EXOC7: variants seen among roughly 807,000 people sequenced by gnomAD.
EXOC7 encodes exocyst complex component 7, also known as exocyst complex component Exo70.
Under a neutral mutation model 87.6 loss-of-function variants are expected in EXOC7, and 51 were observed. The observed-to-expected ratio is 0.58, with a 90% CI of 0.46 to 0.73. EXOC7 has a LOEUF of 0.73. Ranked by LOEUF, EXOC7 falls within the 30% of genes least tolerant of loss-of-function variation. EXOC7 has a pLI of 0.00. For missense variants in EXOC7, 744 were observed against 888.4 expected, an observed-to-expected ratio of 0.84 and a Z score of 2.07; for synonymous variants, 327 against 357.1, an observed-to-expected ratio of 0.92 and a Z score of 0.95.
rs1436323690 is a variant in EXOC7, at chr17:76,081,538, C to T, written c.*2110G>A. ...CGCCGGGAAGGCCCTGACTTTTCCC[C>T]TTCCAGCTGAGGCTGAAGAACACGG... On this transcript the variant is annotated 3_prime_UTR_variant, in exon 19 of 19. Coordinates refer to ENST00000589210, the MANE Select transcript of EXOC7 (RefSeq NM_001013839.4). 2.5e-6 allele frequency: 4 copies of T among 1,613,126 alleles called. No homozygotes were observed. The Admixed American group carries it at 6.7e-5, about 27-fold the overall frequency.
chr17:76,100,341 A>G (rs2067996261), intron 4 of EXOC7, among the ~76,000 whole-genome samples: 1 of 151,964 alleles, frequency 6.6e-6, no homozygotes, highest in Admixed American at 6.6e-5. Context: ...AAAATAGCAC[A>G]TTTTGGCCAG....
Position 76,097,804 on chromosome 17 carries a change from C to A in EXOC7, c.632G>T (p.Arg211Leu). ...AAGCCAGAATCCCTTACCTTGGTTG[C>A]GGCCATATTCCACCAGCCAGCGGGA... ...RISRWLVEYG[R>L]NQDFMNVYYQ... Residue 211 changes from arginine to leucine, a missense_variant, in exon 5 of 19, where the codon CGC (arginine) becomes CTC (leucine). Physicochemically the swap from Arg to Leu is moderately radical, Grantham distance 102. Coordinates refer to ENST00000589210, the MANE Select transcript of EXOC7 (RefSeq NM_001013839.4). 2 of 1,608,028 alleles carry A rather than the reference C, an allele frequency of 1.2e-6. No homozygotes were observed. Among genetic ancestry groups the A allele is most frequent in the South Asian group, 1.1e-5 (1 of 90,936 alleles).
chr17:76,082,956 C>A lies in EXOC7; in HGVS notation c.*692G>T. On this transcript the variant is annotated 3_prime_UTR_variant, in exon 19 of 19. Coordinates refer to ENST00000589210, the MANE Select transcript of EXOC7 (RefSeq NM_001013839.4). ...AGCCTAATTGCTCCTTCTGCAACCA[C>A]GACTGCCTGGCCCTGGGCCAAGAGG... The A allele has an allele frequency of 3.9e-6, 1 of 255,066 alleles. No homozygotes were observed. The allele number at this position is 255,066 out of a possible 1,614,324, so 15.8% of individuals were successfully genotyped here. A position where few individuals can be genotyped will look rare whatever the true frequency, so the allele number is the denominator to read the frequency against.
intron 7 of EXOC7, 135 bp downstream of exon 7, chr17:76,091,008 A>G: frequency 2.7e-6 from 2 of 750,230 alleles, no homozygotes; most frequent in East Asian, 4.9e-5. Flanking sequence ...CCCGAGTGGC[A>G]TCGGGGACCT....
Position 76,081,999 on chromosome 17 carries a change from C to G in EXOC7, c.*1649G>C, listed in dbSNP as rs749838124. The G allele has an allele frequency of 2.5e-6, 4 of 1,611,730 alleles. No homozygotes were observed. In the African/African-American group the frequency reaches 4.0e-5, roughly 16 times the overall value. ...GCCAAGAGCGGCCCCAGCCCAGCCCCGAGAGGGGAACAGCGAGAGCACGGC... is the reference window on the plus strand; with the variant it reads ...GCCAAGAGCGGCCCCAGCCCAGCCCGGAGAGGGGAACAGCGAGAGCACGGC... On this transcript the variant is annotated 3_prime_UTR_variant, in exon 19 of 19. Coordinates refer to ENST00000589210, the MANE Select transcript of EXOC7 (RefSeq NM_001013839.4).
At position 76,081,237 on chromosome 17, in the gene EXOC7, T is replaced by C; in HGVS notation, c.*2411A>G. 6.2e-7 allele frequency: 1 copy of C among 1,609,696 alleles called. No homozygotes were observed. The highest frequency in any genetic ancestry group is 2.2e-5 in the East Asian group (1 of 44,850). On this transcript the variant is annotated 3_prime_UTR_variant, in exon 19 of 19. Transcript: ENST00000589210. ...CTACCCCCAGACTTGGCAGCTGGGATCTCTCCTTCCTGGTTCATAGTTCTC... is the reference window on the plus strand; with the variant it reads ...CTACCCCCAGACTTGGCAGCTGGGACCTCTCCTTCCTGGTTCATAGTTCTC...
chr17:76,083,037 G>A lies in EXOC7; in HGVS notation c.*611C>T, dbSNP rs947932402. 1 of 185,460 alleles carries A rather than the reference G, an allele frequency of 5.4e-6. No individual in the cohort carries two copies. The highest frequency in any genetic ancestry group is 1.1e-5 in the Non-Finnish European group (1 of 90,200). The allele number at this position is 185,460 out of a possible 1,614,324, so 11.5% of individuals were successfully genotyped here. On this transcript the variant is annotated 3_prime_UTR_variant, in exon 19 of 19. Coordinates refer to ENST00000589210, the MANE Select transcript of EXOC7 (RefSeq NM_001013839.4). Reference sequence around the variant, plus strand: ...TGAGGAAGGCTGTAGAGGGTGGGGCGGAACTCCTCCTCCGAACGCCTCCTG... The same window carrying A: ...TGAGGAAGGCTGTAGAGGGTGGGGCAGAACTCCTCCTCCGAACGCCTCCTG...
chr17:76,096,499 G>A (rs1375971655), intron 5 of EXOC7, among the ~76,000 whole-genome samples: 4 of 134,316 alleles, frequency 3.0e-5, no homozygotes, highest in Non-Finnish European at 4.7e-5. Flanking sequence ...GTGACAGAGC[G>A]AGACTCTGTC....
rs1340174283 is a variant in EXOC7 at position 76,086,101 on chromosome 17, G to A, written c.1474C>T (p.Arg492Trp). Residue 492 changes from arginine (R) to tryptophan (W), a missense_variant, in exon 13 of 19, where the codon CGG becomes TGG. This residue lies in a region of EXOC7 where 228 missense variants were observed against 298.6 expected (regional missense o/e 0.76). Coordinates refer to ENST00000589210, the MANE Select transcript of EXOC7 (RefSeq NM_001013839.4). ...ATSYSSEFSK[R>W]LLSTYICKVL... ...TCACAGATATAGGTGCTTAGCAGCC[G>A]CTTGCTGAACTCAGAGCTGTAGCTG... The A allele has an allele frequency of 4.3e-6, 7 of 1,613,698 alleles. No individual in the cohort carries two copies. Among genetic ancestry groups the A allele is most frequent in the Admixed American group, 1.7e-5 (1 of 60,002 alleles).
chr17:76,100,861 A>G (rs1299916793), intron 4 of EXOC7, among the ~76,000 whole-genome samples: 2 of 150,978 alleles, frequency 1.3e-5, no homozygotes, highest in Admixed American at 6.6e-5. Flanking sequence ...AGTGCCTGTA[A>G]TCCCAGCTAC....
chr17:76,081,515 C>T lies in EXOC7; in HGVS notation c.*2133G>A, dbSNP rs1350497112. The T allele has an allele frequency of 5.6e-6, 9 of 1,611,062 alleles. No individual in the cohort carries two copies. The highest frequency in any genetic ancestry group is 3.3e-5 in the Admixed American group (2 of 59,986). On this transcript the variant is annotated 3_prime_UTR_variant, in exon 19 of 19. Coordinates refer to ENST00000589210, the MANE Select transcript of EXOC7 (RefSeq NM_001013839.4). ...CCGATGCCCACCTCCTTCCCCCCCG[C>T]CGGGAAGGCCCTGACTTTTCCCCTT...
rs773950337 is a variant in EXOC7, at chr17:76,081,576, T to A, written c.*2072A>T. 1.2e-6 allele frequency: 2 copies of A among 1,613,884 alleles called. No homozygotes were observed. The highest frequency in any genetic ancestry group is 2.2e-5 in the South Asian group (2 of 91,090). ...CTGAAGAACACGGCGCTCAAGTCCATCATCGCTCTCTTGGTGCCTGCAGAG... is the reference window on the plus strand; with the variant it reads ...CTGAAGAACACGGCGCTCAAGTCCAACATCGCTCTCTTGGTGCCTGCAGAG... On this transcript the variant is annotated 3_prime_UTR_variant, in exon 19 of 19. Coordinates refer to ENST00000589210, the MANE Select transcript of EXOC7 (RefSeq NM_001013839.4).
chr17:76,084,991 A>T, intron 15 of EXOC7: 1 of 464,584 alleles, frequency 2.2e-6, no homozygotes, highest in Non-Finnish European at 3.9e-6. Context: ...AGGCTCAGCC[A>T]CGTTCAAGTG....
chr17:76,097,393 C>G (rs2067814431), intron 5 of EXOC7, among the ~76,000 whole-genome samples: 5 of 151,990 alleles, frequency 3.3e-5, no homozygotes. Flanking sequence ...ATCAAAAAAA[C>G]CATGACAGGT....
chr17:76,096,798 C>T (rs35733559), intron 5 of EXOC7, among the ~76,000 whole-genome samples: 4,604 of 152,068 alleles, frequency 0.03, 145 homozygotes, highest in African/African-American at 0.077. Context: ...TCAGGTGATC[C>T]GCCCACCTTG....
intron 5 of EXOC7, 34 bp from the exon 6 acceptor site, chr17:76,094,615 C>G (rs371733412): frequency 6.3e-7 from 1 of 1,591,302 alleles, no homozygotes; most frequent in Non-Finnish European, 8.6e-7. Context: ...GGTACGGCTG[C>G]CAGGCCCTGT....
In EXOC7 at chr17:76,103,685, G is replaced by T. The variant is rs1414630069; in HGVS notation, c.8C>A (p.Pro3His). MI[P>H]PQEASARRRE... ...CCGTCGAGCGGATGCCTCCTGTGGG[G>T]GAATCATCGCTCTGAACCCCGCGGC... Residue 3 changes from proline to histidine, a missense_variant, in exon 1 of 19, where the codon CCC becomes CAC. This residue lies in a region of EXOC7 where 512 missense variants were observed against 573.0 expected (regional missense o/e 0.89). Transcript: ENST00000589210. 2 of 1,611,632 alleles carry T rather than the reference G, an allele frequency of 1.2e-6. No homozygotes were observed. The highest frequency in any genetic ancestry group is 2.2e-5 in the East Asian group (1 of 44,728).
chr17:76,101,619 C>A, intron 3 of EXOC7, 60 bp downstream of exon 3: 1 of 1,540,666 alleles, frequency 6.5e-7, no homozygotes, highest in South Asian at 1.2e-5. Context: ...GATTACAGAC[C>A]AACCCTCCTG....
chr17:76,082,145 C>G lies in EXOC7; in HGVS notation c.*1503G>C. On this transcript the variant is annotated 3_prime_UTR_variant, in exon 19 of 19. Coordinates refer to ENST00000589210, the MANE Select transcript of EXOC7 (RefSeq NM_001013839.4). ...TCCAGGTGTGGGTAGAGGCCCCTTG[C>G]ATCCACCCTGCTGGCTCTCCTGTCC... 1 of 1,397,482 alleles carries G rather than the reference C, an allele frequency of 7.2e-7. No individual in the cohort carries two copies. Among genetic ancestry groups the G allele is most frequent in the Non-Finnish European group, 9.6e-7 (1 of 1,037,516 alleles). 86.6% of individuals were successfully genotyped at this position (1,397,482 alleles called of 1,614,324 possible).
Sources: gnomAD v4.1 joint callset for allele counts (sites outside exome capture counted in the v4.1 genomes callset) on GRCh38, gnomAD v4.1.1 for gene constraint, gnomAD v4.1.1 regional missense constraint, MANE v1.5 for transcripts, NCBI Gene and HGNC (gene_info 2026-07-23, HGNC 2026-07-21) for gene names.